The following PRDM16 variants were observed in gnomAD, a reference collection of about 807,000 sequenced individuals.
PRDM16 encodes the protein histone-lysine N-methyltransferase PRDM16.
A neutral mutation model predicts 110.6 loss-of-function variants in PRDM16; 23 were observed. That is an observed-to-expected ratio of 0.21 (90% CI 0.15 to 0.29). The LOEUF is 0.29. Among genes scored for constraint, PRDM16 ranks in the 10% least tolerant of loss-of-function variants. PRDM16 has a pLI of 1.00. For missense variants in PRDM16, 1,615 were observed against 1,794.3 expected (o/e 0.90, Z 1.81); for synonymous variants, 799 against 781.8 (o/e 1.02, Z -0.37).
At chr1:3,360,994 G>A (rs1036296924) in intron 3 of PRDM16, among the ~76,000 whole-genome samples, 2 of 152,244 alleles carry the variant, frequency 1.3e-5, no homozygotes, top group African/African-American at 4.8e-5. Flanking sequence ...TTTTCTCGGC[G>A]GAGCCACTTG....
chr1:3,227,337 C>T (rs544595773), intron 2 of PRDM16, among the ~76,000 whole-genome samples: 1 of 152,374 alleles, frequency 6.6e-6, no homozygotes, highest in South Asian at 2.1e-4. Context: ...CGATTAGGGA[C>T]AGGAACCAGA....
At chr1:3,212,689 G>A (rs907613639) in intron 2 of PRDM16, among the ~76,000 whole-genome samples, 7 of 149,356 alleles carry the variant, frequency 4.7e-5, no homozygotes, top group African/African-American at 1.5e-4. Flanking sequence ...CCCTCGCTGC[G>A]GTCCTCTCTG....
At chr1:3,220,023 G>A (rs1337852979) in intron 2 of PRDM16, among the ~76,000 whole-genome samples, 4 of 152,164 alleles carry the variant, frequency 2.6e-5, no homozygotes, top group Non-Finnish European at 5.9e-5. Context: ...GAAAACCATT[G>A]ACCACGTAAC....
chr1:3,131,982 T>G (rs1326178699), intron 1 of PRDM16, among the ~76,000 whole-genome samples: 3 of 152,232 alleles, frequency 2.0e-5, no homozygotes, highest in African/African-American at 7.2e-5. Flanking sequence ...TTCAAAGGGT[T>G]TAGGATTTAA....
At position 3,359,999 on chromosome 1, in the gene PRDM16, C is replaced by G. The variant is rs1642683644; in HGVS notation, c.439-25153C>G. 6.6e-6 allele frequency among the ~76,000 whole-genome samples: 1 copy of G among 152,228 alleles called. No individual in the cohort carries two copies. Among genetic ancestry groups the G allele is most frequent in the Non-Finnish European group, 1.5e-5 (1 of 68,048 alleles). Reference sequence around the variant, plus strand: ...CTCAGCAGCCAGTGAGAAGCAACAGCAAACGTAATTAACTCCATGCGTTCC... The same window carrying G: ...CTCAGCAGCCAGTGAGAAGCAACAGGAAACGTAATTAACTCCATGCGTTCC... On this transcript the variant is annotated intron_variant, in intron 3 of 16. Coordinates refer to ENST00000270722, the MANE Select transcript of PRDM16 (RefSeq NM_022114.4). This position sits in a 1 kb window ranked among gnomAD's most constrained non-coding sequence, Gnocchi z 4.3.
chr1:3,158,604 A>G (rs1347056179), intron 1 of PRDM16, among the ~76,000 whole-genome samples: 1 of 152,066 alleles, frequency 6.6e-6, no homozygotes, highest in Non-Finnish European at 1.5e-5. Context: ...ACCAGCTGTT[A>G]TGGGGGGAAA....
intron 1 of PRDM16, among the ~76,000 whole-genome samples, chr1:3,079,539 G>A (rs1012700064): frequency 6.6e-6 from 1 of 152,220 alleles, no homozygotes; most frequent in South Asian, 2.1e-4. Context: ...CGCATGGAGC[G>A]GCCTGGCCCC....
chr1:3,242,343 G>C (rs921292977), intron 2 of PRDM16, among the ~76,000 whole-genome samples: 2 of 152,208 alleles, frequency 1.3e-5, no homozygotes, highest in African/African-American at 2.4e-5. Context: ...CCTTTAACTG[G>C]CAACAAGATC....
At position 3,081,772 on chromosome 1, in the gene PRDM16, C is replaced by T. The variant is rs951801807; in HGVS notation, c.37+12476C>T. Among the ~76,000 whole-genome samples the T allele has an allele frequency of 3.3e-5, 5 of 151,982 alleles. No homozygotes were observed. Among genetic ancestry groups the T allele is most frequent in the Non-Finnish European group, 4.4e-5 (3 of 67,968 alleles). On this transcript the variant is annotated intron_variant, in intron 1 of 16. Coordinates refer to ENST00000270722, the MANE Select transcript of PRDM16 (RefSeq NM_022114.4). This position sits in a 1 kb window ranked among gnomAD's most constrained non-coding sequence, Gnocchi z 4.6. ...ACGTGGGAGGCCCCCATGGAAGGCC[C>T]GTGTTGGGGGACCTTCCATGGGCAG...
At chr1:3,393,383 C>G (rs977017998) in intron 4 of PRDM16, among the ~76,000 whole-genome samples, 6 of 152,258 alleles carry the variant, frequency 3.9e-5, no homozygotes, top group Middle Eastern at 3.2e-3. Flanking sequence ...CTTCAACAGA[C>G]TTCTCCCACC....
intron 1 of PRDM16, among the ~76,000 whole-genome samples, chr1:3,146,110 C>T (rs180885402): frequency 2.5e-3 from 375 of 152,334 alleles, no homozygotes; most frequent in Non-Finnish European, 4.0e-3. Flanking sequence ...ACACAGCACA[C>T]GTGGGCATCA....
At chr1:3,357,266 C>A (rs1642625571) in intron 3 of PRDM16, among the ~76,000 whole-genome samples, 1 of 152,114 alleles carries the variant, frequency 6.6e-6, no homozygotes, top group Admixed American at 6.5e-5. Context: ...AACTGTTAGG[C>A]CCTGCTGTGC....
intron 3 of PRDM16, among the ~76,000 whole-genome samples, chr1:3,320,669 C>A (rs1641719934): frequency 6.6e-6 from 1 of 152,232 alleles, no homozygotes; most frequent in African/African-American, 2.4e-5. Flanking sequence ...CAGTGCCTTC[C>A]TGCTGAACCC....
rs577895938 is a variant in PRDM16, at chr1:3,194,040, G to A, written c.387+7566G>A. Among the ~76,000 whole-genome samples, 98 of 152,356 alleles carry A rather than the reference G, an allele frequency of 6.4e-4. 4 individuals carry two copies. The South Asian group carries it at 0.02, about 31-fold the overall frequency. On this transcript the variant is annotated intron_variant, in intron 2 of 16. Transcript: ENST00000270722. ...CCAGGAGATCCTAATTTACGGCCTG[G>A]GCCGAGAGCAGCTGACCTAGATAGG...
rs143832021 is a variant in PRDM16 at position 3,375,551 on chromosome 1, G to A, written c.439-9601G>A. Among the ~76,000 whole-genome samples, 7 of 152,354 alleles carry A rather than the reference G, an allele frequency of 4.6e-5. No homozygotes were observed. In the East Asian group the frequency reaches 1.3e-3, roughly 29 times the overall value. Reference sequence around the variant, plus strand: ...AGCCCCCAACACCCCCAGGCTGCTGGGAGAGCAGTGACGGGGCCGAGTTTG... The same window carrying A: ...AGCCCCCAACACCCCCAGGCTGCTGAGAGAGCAGTGACGGGGCCGAGTTTG... On this transcript the variant is annotated intron_variant, in intron 3 of 16. Coordinates refer to ENST00000270722, the MANE Select transcript of PRDM16 (RefSeq NM_022114.4).
At chr1:3,360,054 A>G (rs924171213) in intron 3 of PRDM16, among the ~76,000 whole-genome samples, 9 of 141,650 alleles carry the variant, frequency 6.4e-5, no homozygotes, top group South Asian at 2.1e-4. Flanking sequence ...CTTGTCCCCA[A>G]CTGTCACATC....
chr1:3,187,284 G>A lies in PRDM16; in HGVS notation c.387+810G>A, dbSNP rs570656953. Among the ~76,000 whole-genome samples the A allele has an allele frequency of 1.4e-4, 21 of 152,312 alleles. No homozygotes were observed. The East Asian group carries it at 3.5e-3, about 25-fold the overall frequency. On this transcript the variant is annotated intron_variant, in intron 2 of 16. Transcript: ENST00000270722. ...TGCCGGCCTCACGCAGCCAATTGTC[G>A]GTGGTATTTTTGGCAGGGCCCCTGC...
rs1253567031 is a variant in PRDM16, at chr1:3,339,932, G to A, written c.439-45220G>A. ...TGAGGTTGGAAGGGCCACCAGGCAA[G>A]TGGGGCTGGGGGGAACAGGTGTGCC... On this transcript the variant is annotated intron_variant, in intron 3 of 16. Coordinates refer to ENST00000270722, the MANE Select transcript of PRDM16 (RefSeq NM_022114.4). The surrounding 1 kb of genome is among the most constrained non-coding windows in gnomAD (Gnocchi z 5.0). Among the ~76,000 whole-genome samples, 1 of 152,234 alleles carries A rather than the reference G, an allele frequency of 6.6e-6. No homozygotes were observed. The highest frequency in any genetic ancestry group is 2.4e-5 in the African/African-American group (1 of 41,458).
intron 6 of PRDM16, among the ~76,000 whole-genome samples, chr1:3,404,101 C>T (rs906737295): frequency 3.1e-4 from 47 of 152,328 alleles, no homozygotes; most frequent in African/African-American, 1.1e-3. Context: ...GGCTGGGCCC[C>T]GTAATTAACG....
Sources: gnomAD v4.1 joint callset for allele counts (sites outside exome capture counted in the v4.1 genomes callset) on GRCh38, gnomAD v4.1.1 for gene constraint, Gnocchi (gnomAD v3.1) non-coding constraint, MANE v1.5 for transcripts, NCBI Gene and HGNC (gene_info 2026-07-23, HGNC 2026-07-21) for gene names.